Variants in ORC1 observed in about 807,000 individuals in gnomAD.
ORC1 encodes origin recognition complex subunit 1, also known as origin recognition complex, subunit 1 homolog.
A neutral mutation model predicts 98.9 loss-of-function variants in ORC1; 61 were observed. The ratio of observed to expected loss-of-function variants is 0.62; its 90% CI spans 0.50 to 0.76. ORC1 has a LOEUF of 0.76. Ranked by LOEUF, ORC1 falls within the 30% of genes least tolerant of loss-of-function variation. The pLI is 0.00. For missense variants in ORC1, 979 were observed against 1,072.2 expected (o/e 0.91, Z 1.21); for synonymous variants, 385 against 406.9 (o/e 0.95, Z 0.65).
chr1:52,384,757 C>A, intron 10 of ORC1, 36 bp from the exon 11 acceptor site: 1 of 1,553,190 alleles, frequency 6.4e-7, no homozygotes, highest in East Asian at 2.3e-5. Flanking sequence ...GGGTAGGTCT[C>A]AGCCAGCCAC....
intron 6 of ORC1, among the ~76,000 whole-genome samples, chr1:52,391,916 TAA>T (rs1157882344): frequency 1.6e-5 from 2 of 122,412 alleles, no homozygotes; most frequent in Non-Finnish European, 3.6e-5. Context: ...AAACAAAAGG[TAA>T]AAAAAAAAAG....
upstream of ORC1, chr1:52,404,544 G>A (rs1360483115): frequency 1.9e-5 from 10 of 522,376 alleles, no homozygotes; most frequent in Middle Eastern, 1.0e-3. Flanking sequence ...ACGTACATCC[G>A]CTAACATGCA....
chr1:52,377,955 G>A lies in ORC1; in HGVS notation c.2134-2356C>T, dbSNP rs566936757. The stretch of plus-strand genomic sequence containing the variant: ...ATAGAATATAAAACAGATTCGCTTC[G>A]TCATATGTAAAGAAATAGAGAGGGC... On this transcript the variant is annotated intron_variant, in intron 14 of 16. Transcript: ENST00000371568. Among the ~76,000 whole-genome samples the A allele has an allele frequency of 3.5e-3, 534 of 152,194 alleles. 2 individuals carry two copies. The highest frequency in any genetic ancestry group is 0.012 in the African/African-American group (486 of 41,518).
At chr1:52,394,147 C>G (rs181455510) in intron 5 of ORC1, among the ~76,000 whole-genome samples, 1 of 152,306 alleles carries the variant, frequency 6.6e-6, no homozygotes, top group East Asian at 1.9e-4. Flanking sequence ...AACCCTAACT[C>G]AATGACATTT....
chr1:52,389,155 A>T, intron 7 of ORC1, 62 bp downstream of exon 7: 1 of 1,212,278 alleles, frequency 8.2e-7, no homozygotes, highest in Non-Finnish European at 1.2e-6. Context: ...GCATTAGGAG[A>T]TAAGATTATA....
At chr1:52,381,533 G>A (rs965290482) in intron 14 of ORC1, 109 bp downstream of exon 14, 151 of 1,171,512 alleles carry the variant, frequency 1.3e-4, no homozygotes, top group Non-Finnish European at 1.3e-4. Context: ...ATTTTTACAC[G>A]ACTTTCTAAA....
At position 52,396,284 on chromosome 1, in the gene ORC1, A is replaced by G; in HGVS notation, c.483T>C (p.Asn161=). 6.2e-7 allele frequency: 1 copy of G among 1,614,156 alleles called. No individual in the cohort carries two copies. Among genetic ancestry groups the G allele is most frequent in the Non-Finnish European group, 8.5e-7 (1 of 1,180,028 alleles). ...EKTLFVKLSW[N]EKKFRPLSSE... ...AGGAAAGTGGCCTGAATTTCTTCTC[A>G]TTCCAGGATAGTTTCACAAAGAGTG... The change falls in exon 5 of 17, where the codon AAT becomes AAC. Residue 161 remains asparagine, a synonymous_variant. Coordinates refer to ENST00000371568, the MANE Select transcript of ORC1 (RefSeq NM_004153.4).
At chr1:52,385,137 C>A in intron 10 of ORC1, 24 bp downstream of exon 10, 1 of 1,485,792 alleles carries the variant, frequency 6.7e-7, no homozygotes, top group South Asian at 1.1e-5. Flanking sequence ...CCCCAAACTA[C>A]CCTGCCTGCC....
intron 13 of ORC1, among the ~76,000 whole-genome samples, chr1:52,382,959 T>G (rs1647092169): frequency 6.6e-6 from 1 of 152,222 alleles, no homozygotes; most frequent in African/African-American, 2.4e-5. Context: ...AACACCAAGA[T>G]ATGATGTTTG....
chr1:52,384,266 G>A (rs924264605), intron 11 of ORC1, among the ~76,000 whole-genome samples: 1 of 152,184 alleles, frequency 6.6e-6, no homozygotes, highest in Non-Finnish European at 1.5e-5. Flanking sequence ...CCTCTGGCCT[G>A]CCACGGACCC....
chr1:52,395,354 G>T (rs192575169), intron 5 of ORC1, among the ~76,000 whole-genome samples: 120 of 152,192 alleles, frequency 7.9e-4, no homozygotes, highest in African/African-American at 2.6e-3. Flanking sequence ...AACCAGAAAG[G>T]GAAACAATTA....
rs779199028 is a variant in ORC1 at position 52,396,080 on chromosome 1, A to G, written c.687T>C (p.Leu229=). 1.2e-6 allele frequency: 2 copies of G among 1,614,040 alleles called. No individual in the cohort carries two copies. Among genetic ancestry groups the G allele is most frequent in the African/African-American group, 1.3e-5 (1 of 74,922 alleles). The change falls in exon 5 of 17, where the codon CTT becomes CTC. Residue 229 remains leucine, a synonymous_variant. Transcript: ENST00000371568. ...CCAGCCTCTTTCTGGCTCTTGGGGTAAGAGGATGGGTAGGAGTTTGGCGAG... is the reference window on the plus strand; with the variant it reads ...CCAGCCTCTTTCTGGCTCTTGGGGTGAGAGGATGGGTAGGAGTTTGGCGAG... The part of the protein sequence containing the change: ...SKSRQTPTHP[L]TPRARKRLEL...
intron 9 of ORC1, among the ~76,000 whole-genome samples, chr1:52,385,558 G>A (rs1647130959): frequency 6.6e-6 from 1 of 152,064 alleles, no homozygotes; most frequent in Non-Finnish European, 1.5e-5. Context: ...GGTTCTAAAG[G>A]GCATCAAAAC....
chr1:52,405,563 G>T, upstream of ORC1: 6 of 881,748 alleles, frequency 6.8e-6, no homozygotes, highest in East Asian at 9.7e-5. Context: ...ATACACATTC[G>T]TTCTCCTAAT....
intron 1 of ORC1, among the ~76,000 whole-genome samples, chr1:52,402,918 G>A (rs1274370965): frequency 6.6e-6 from 1 of 152,122 alleles, no homozygotes; most frequent in African/African-American, 2.4e-5. Flanking sequence ...AAGAAAAGTA[G>A]ATGTTATTAT....
chr1:52,402,290 C>G, intron 1 of ORC1, 62 bp from the exon 2 acceptor site: 1 of 1,245,934 alleles, frequency 8.0e-7, no homozygotes, highest in Non-Finnish European at 1.2e-6. Context: ...CTGATGGATT[C>G]TAAGACATAG....
chr1:52,377,690 G>A (rs1264352074), intron 14 of ORC1, among the ~76,000 whole-genome samples: 4 of 128,770 alleles, frequency 3.1e-5, no homozygotes, highest in African/African-American at 1.3e-4. Context: ...ACAGTTGGTA[G>A]TGCCCCTAGA....
At chr1:52,395,100 C>T (rs1245769730) in intron 5 of ORC1, among the ~76,000 whole-genome samples, 1 of 152,004 alleles carries the variant, frequency 6.6e-6, no homozygotes, top group Non-Finnish European at 1.5e-5. Flanking sequence ...GAAGTTGACA[C>T]CTACACAAAA....
rs1202537038 is a variant in ORC1 at position 52,379,241 on chromosome 1, A to AT, written c.2133+2400dup. 3.2e-3 allele frequency among the ~76,000 whole-genome samples: 400 copies of AT among 125,604 alleles called. 1 individual carries two copies. Among genetic ancestry groups the AT allele is most frequent in the Middle Eastern group, 8.5e-3 (2 of 234 alleles). 82.4% of individuals were successfully genotyped at this position (125,604 alleles called of 152,430 possible). A position where few individuals can be genotyped will look rare whatever the true frequency, so the allele number is the denominator to read the frequency against. On this transcript the variant is annotated intron_variant, in intron 14 of 16. Transcript: ENST00000371568. The stretch of plus-strand genomic sequence containing the variant: ...GGGGGTTGTTTAGCTAAAGTAGGGT[A>AT]TTTTTTTTTTTTTTTTTTCTGAGAC...
Sources: gnomAD v4.1 joint callset for allele counts (sites outside exome capture counted in the v4.1 genomes callset) on GRCh38, gnomAD v4.1.1 for gene constraint, MANE v1.5 for transcripts, NCBI Gene and HGNC (gene_info 2026-07-23, HGNC 2026-07-21) for gene names.